Variants in CDH18 observed in about 807,000 individuals in gnomAD.
The protein encoded by CDH18 is cadherin-18.
A neutral mutation model predicts 67.9 loss-of-function variants in CDH18; 31 were observed. The observed-to-expected ratio is 0.46, with a 90% CI of 0.34 to 0.62. CDH18 has a LOEUF of 0.62. CDH18 is among the 20% of genes least tolerant of loss of function. The probability of loss-of-function intolerance (pLI) is 0.01; values close to 1 mark genes in which losing one functional copy is unlikely to be tolerated. For missense variants in CDH18, 890 were observed against 975.5 expected (o/e 0.91, Z 1.17); for synonymous variants, 362 against 347.2 (o/e 1.04, Z -0.48).
At chr5:20,352,827 T>A (rs937825823) in intron 1 of CDH18, among the ~76,000 whole-genome samples, 4 of 151,902 alleles carry the variant, frequency 2.6e-5, no homozygotes, top group Non-Finnish European at 5.9e-5. Flanking sequence ...TAACCTAATG[T>A]TCTTTTCATT....
At chr5:20,211,299 A>T (rs1357871677) in intron 2 of CDH18, among the ~76,000 whole-genome samples, 2 of 152,002 alleles carry the variant, frequency 1.3e-5, no homozygotes, top group Non-Finnish European at 2.9e-5. Context: ...GCCTCTGTAG[A>T]CTCCACCTCT....
At chr5:19,535,252 T>C (rs1475229491) in intron 9 of CDH18, among the ~76,000 whole-genome samples, 1 of 152,222 alleles carries the variant, frequency 6.6e-6, no homozygotes, top group African/African-American at 2.4e-5. Context: ...AAGCATTTTG[T>C]TTGATTACTT....
chr5:19,871,186 T>G (rs1463022031), intron 2 of CDH18, among the ~76,000 whole-genome samples: 1 of 152,120 alleles, frequency 6.6e-6, no homozygotes, highest in African/African-American at 2.4e-5. Flanking sequence ...TCCTAAGCTT[T>G]TTTAAAAAAA....
At chr5:20,142,842 A>C (rs1750353504) in intron 2 of CDH18, among the ~76,000 whole-genome samples, 1 of 152,170 alleles carries the variant, frequency 6.6e-6, no homozygotes, top group Non-Finnish European at 1.5e-5. Flanking sequence ...ATGGACTTCT[A>C]GCCTCCAGAA....
chr5:19,736,335 C>T (rs977045507), intron 4 of CDH18, among the ~76,000 whole-genome samples: 2 of 152,060 alleles, frequency 1.3e-5, no homozygotes, highest in Admixed American at 1.3e-4. Context: ...GAGCCATAAT[C>T]GTGCTGCCAC....
chr5:20,361,300 G>A (rs1010996008), intron 1 of CDH18, among the ~76,000 whole-genome samples: 14 of 151,990 alleles, frequency 9.2e-5, no homozygotes, highest in African/African-American at 3.1e-4. Context: ...ACTAATAACT[G>A]AAAAACTGTT....
intron 2 of CDH18, among the ~76,000 whole-genome samples, chr5:19,936,988 C>T (rs1794347040): frequency 6.6e-6 from 1 of 151,002 alleles, no homozygotes; most frequent in African/African-American, 2.4e-5. Flanking sequence ...TAAACATGGC[C>T]ATATATACTC....
chr5:19,854,594 C>T (rs1784062230), intron 2 of CDH18, among the ~76,000 whole-genome samples: 1 of 151,602 alleles, frequency 6.6e-6, no homozygotes, highest in Non-Finnish European at 1.5e-5. Context: ...GTTATGGTAC[C>T]ATAAAAGTTC....
intron 2 of CDH18, among the ~76,000 whole-genome samples, chr5:20,240,728 C>T (rs1401508526): frequency 2.0e-5 from 3 of 152,154 alleles, no homozygotes; most frequent in Admixed American, 6.5e-5. Flanking sequence ...CATAGCTAGA[C>T]GCTCTACCCA....
intron 2 of CDH18, among the ~76,000 whole-genome samples, chr5:19,946,012 A>G (rs534193434): frequency 6.6e-6 from 1 of 152,234 alleles, no homozygotes; most frequent in Admixed American, 6.5e-5. Flanking sequence ...AAGGGAAAGA[A>G]GCTCACACAG....
chr5:20,237,896 T>G (rs943682062), intron 2 of CDH18, among the ~76,000 whole-genome samples: 1 of 151,972 alleles, frequency 6.6e-6, no homozygotes, highest in Non-Finnish European at 1.5e-5. Flanking sequence ...ACTATCTGAT[T>G]TGAAGATTTA....
intron 2 of CDH18, among the ~76,000 whole-genome samples, chr5:20,253,996 G>A (rs1348508092): frequency 6.6e-6 from 1 of 152,198 alleles, no homozygotes; most frequent in Non-Finnish European, 1.5e-5. Flanking sequence ...GGAAGCTAGA[G>A]AGAAGGGTCA....
chr5:20,023,904 A>T (rs9292849), intron 2 of CDH18, among the ~76,000 whole-genome samples: 1 of 151,782 alleles, frequency 6.6e-6, no homozygotes, highest in East Asian at 2.0e-4. Flanking sequence ...TTCATAACCA[A>T]CTCAATTCTG....
At chr5:19,730,001 C>T (rs1398888333) in intron 4 of CDH18, among the ~76,000 whole-genome samples, 1 of 151,984 alleles carries the variant, frequency 6.6e-6, no homozygotes, top group African/African-American at 2.4e-5. Context: ...TCTCTCCCTG[C>T]CTTTCTGTCT....
At chr5:20,542,118 G>T (rs1757082194) in intron 1 of CDH18, among the ~76,000 whole-genome samples, 1 of 152,016 alleles carries the variant, frequency 6.6e-6, no homozygotes, top group Admixed American at 6.6e-5. Flanking sequence ...GCTAATTTTT[G>T]TATTTTTAAT....
At chr5:20,006,706 A>C (rs942774007) in intron 2 of CDH18, among the ~76,000 whole-genome samples, 1 of 151,980 alleles carries the variant, frequency 6.6e-6, no homozygotes, top group Admixed American at 6.6e-5. Flanking sequence ...TAAAGATATA[A>C]TGTTGTTTTA....
chr5:19,662,262 T>A (rs1008655843), intron 5 of CDH18, among the ~76,000 whole-genome samples: 1 of 152,050 alleles, frequency 6.6e-6, no homozygotes, highest in African/African-American at 2.4e-5. Context: ...ATGTTGCATC[T>A]TTAGAATTTC....
At chr5:20,084,571 C>T (rs1360295986) in intron 2 of CDH18, among the ~76,000 whole-genome samples, 1 of 152,156 alleles carries the variant, frequency 6.6e-6, no homozygotes, top group East Asian at 1.9e-4. Context: ...CCCACATTTC[C>T]CTTCTGCACT....
At chr5:20,014,870 A>C (rs535384450) in intron 2 of CDH18, among the ~76,000 whole-genome samples, 1 of 152,108 alleles carries the variant, frequency 6.6e-6, no homozygotes, top group Non-Finnish European at 1.5e-5. Context: ...ACTGTTGATC[A>C]TTTGGTCAGA....
Sources: allele counts gnomAD v4.1 joint callset (sites outside exome capture counted in the v4.1 genomes callset), GRCh38; gene constraint gnomAD v4.1.1; transcripts MANE v1.5; gene names NCBI Gene and HGNC (gene_info 2026-07-23, HGNC 2026-07-21).